The following EMSY variants were observed in gnomAD, a reference collection of about 807,000 sequenced individuals.
The protein encoded by EMSY is BRCA2-interacting transcriptional repressor EMSY.
A neutral mutation model predicts 134.6 loss-of-function variants in EMSY; 26 were observed. The ratio of observed to expected loss-of-function variants is 0.19; its 90% confidence interval spans 0.14 to 0.27. EMSY has a LOEUF of 0.27. EMSY is among the 10% of genes least tolerant of loss of function. The pLI, the probability that EMSY is intolerant of heterozygous loss-of-function variation, is 1.00. For missense variants in EMSY, 1,305 were observed against 1,611.4 expected (o/e 0.81, Z 3.26); for synonymous variants, 579 against 577.8 (o/e 1.00, Z -0.03).
At chr11:76,542,323 A>C in exon 18 of EMSY, 1 of 1,614,156 alleles carries the variant, frequency 6.2e-7, no homozygotes, top group Non-Finnish European at 8.5e-7. Flanking sequence ...GGTGAAGTCC[A>C]TCCCAGCATC....
intron 19 of EMSY, among the ~76,000 whole-genome samples, chr11:76,545,187 A>C (rs1951598092): frequency 6.6e-6 from 1 of 152,216 alleles, no homozygotes; most frequent in African/African-American, 2.4e-5. Context: ...TAATAATGCT[A>C]AGTAAACTAC....
intron 4 of EMSY, 137 bp from the exon 6 acceptor site, chr11:76,458,046 C>T (rs969618785): frequency 3.2e-6 from 2 of 617,416 alleles, no homozygotes; most frequent in Admixed American, 3.8e-5. Context: ...TTTGATCTTG[C>T]TTGCTTAAAA....
At chr11:76,542,656 A>G (rs1361815598) in intron 18 of EMSY, among the ~76,000 whole-genome samples, 1 of 152,140 alleles carries the variant, frequency 6.6e-6, no homozygotes, top group Non-Finnish European at 1.5e-5. Context: ...TTACTGTGGA[A>G]GAATGTATCA....
chr11:76,539,505 C>A, intron 16 of EMSY, 94 bp from the exon 18 acceptor site: 2 of 1,263,330 alleles, frequency 1.6e-6, no homozygotes, highest in Non-Finnish European at 2.3e-6. Context: ...GGCCAGTATT[C>A]TGGGGAACAT....
At chr11:76,458,297 T>C (rs1947959080) in exon 5 of EMSY, 2 of 1,614,006 alleles carry the variant, frequency 1.2e-6, no homozygotes, top group Non-Finnish European at 1.7e-6. Flanking sequence ...ATGCTGTTGC[T>C]AATGCAGCTA....
At chr11:76,544,819 C>T in exon 19 of EMSY, 7 of 1,613,698 alleles carry the variant, frequency 4.3e-6, no homozygotes, top group Non-Finnish European at 5.9e-6. Flanking sequence ...AGACGGCAAG[C>T]CAGGTAACGG....
At chr11:76,486,527 C>G (rs1399270893) in intron 8 of EMSY, among the ~76,000 whole-genome samples, 1 of 152,060 alleles carries the variant, frequency 6.6e-6, no homozygotes, top group Non-Finnish European at 1.5e-5. Context: ...AACATAGTAT[C>G]TAAAGACACA....
At position 76,478,340 on chromosome 11, in the gene EMSY, A is replaced by ATT. The variant is rs371584435; in HGVS notation, c.1108+5520_1108+5521dup. Among the ~76,000 whole-genome samples, 121 of 122,524 alleles carry ATT rather than the reference A, an allele frequency of 9.9e-4. 1 individual carries two copies. Among genetic ancestry groups the ATT allele is most frequent in the Middle Eastern group, 4.5e-3 (1 of 224 alleles). The allele number at this position is 122,524 out of a possible 152,430, so 80.4% of individuals were successfully genotyped here. Reference sequence around the variant, plus strand: ...TATTACCTTTTTACCCATGTGAATAATTTTTTTTTTTTTTTTTTTTTGAGA... The same window carrying ATT: ...TATTACCTTTTTACCCATGTGAATAATTTTTTTTTTTTTTTTTTTTTTTGAGA... On this transcript the variant is annotated intron_variant, in intron 8 of 20. Coordinates refer to ENST00000334736, the Ensembl canonical transcript of EMSY.
intron 8 of EMSY, among the ~76,000 whole-genome samples, chr11:76,482,871 G>C (rs147330320): frequency 0.017 from 2,590 of 152,216 alleles, 50 homozygotes; most frequent in East Asian, 0.093. Context: ...AGCAAGACAG[G>C]CCAACATTCA....
intron 6 of EMSY, 99 bp downstream of exon 7, chr11:76,460,184 T>C (rs1216694224): frequency 7.5e-7 from 1 of 1,330,068 alleles, no homozygotes; most frequent in Non-Finnish European, 1.1e-6. Context: ...ATTGGTCCAC[T>C]AGCTGTTAGT....
chr11:76,456,141 G>A (rs1947864264), intron 4 of EMSY, among the ~76,000 whole-genome samples: 1 of 152,138 alleles, frequency 6.6e-6, no homozygotes. Context: ...CCTCCAGGAA[G>A]ATGTTTAGTC....
At chr11:76,504,819 G>C (rs1027590109) in intron 9 of EMSY, among the ~76,000 whole-genome samples, 1 of 152,144 alleles carries the variant, frequency 6.6e-6, no homozygotes, top group Non-Finnish European at 1.5e-5. Context: ...ATTTTAATTA[G>C]CCATAAAAGG....
chr11:76,522,071 G>A (rs967436901), intron 11 of EMSY, among the ~76,000 whole-genome samples: 1 of 151,930 alleles, frequency 6.6e-6, no homozygotes, highest in African/African-American at 2.4e-5. Context: ...AAGAGAAGAA[G>A]ACAAGGAACA....
At chr11:76,502,917 G>T (rs192555810) in intron 9 of EMSY, among the ~76,000 whole-genome samples, 1 of 152,042 alleles carries the variant, frequency 6.6e-6, no homozygotes, top group African/African-American at 2.4e-5. Flanking sequence ...AGACTTCTTC[G>T]TAGAAATTGA....
chr11:76,447,024 T>C lies in EMSY; in HGVS notation c.70+16T>C. 6.2e-7 allele frequency: 1 copy of C among 1,613,024 alleles called. No individual in the cohort carries two copies. On this transcript the variant is annotated intron_variant, in intron 2 of 20. Coordinates refer to ENST00000334736, the Ensembl canonical transcript of EMSY. ...CGAAAATTGGGTATGACGTTCATTG[T>C]TTGTTTTTTACCTCTCTCTGATACC...
intron 17 of EMSY, among the ~76,000 whole-genome samples, chr11:76,540,383 C>T (rs538041684): frequency 6.6e-6 from 1 of 151,946 alleles, no homozygotes. Flanking sequence ...TAGTGTAAAC[C>T]TTGACTATCT....
At chr11:76,496,183 A>T in intron 8 of EMSY, 32 bp from the exon 10 acceptor site, 1 of 1,573,356 alleles carries the variant, frequency 6.4e-7, no homozygotes, top group South Asian at 1.2e-5. Flanking sequence ...CTTTCCTATC[A>T]AATTCTCTTT....
At chr11:76,550,121 C>G (rs143550777) in exon 21 of EMSY, 1 of 1,612,860 alleles carries the variant, frequency 6.2e-7, no homozygotes, top group Non-Finnish European at 8.5e-7. Flanking sequence ...CCCAGCCCTT[C>G]TCAGAGCTCT....
At chr11:76,458,559 G>T (rs984781033) in intron 5 of EMSY, 1 of 459,744 alleles carries the variant, frequency 2.2e-6, no homozygotes, top group Non-Finnish European at 3.6e-6. Flanking sequence ...TGTCGAAGGT[G>T]TGAATTATGT....
Sources: gnomAD v4.1 joint callset for allele counts (sites outside exome capture counted in the v4.1 genomes callset) on GRCh38, gnomAD v4.1.1 for gene constraint, MANE v1.5 for transcripts, NCBI Gene and HGNC (gene_info 2026-07-23, HGNC 2026-07-21) for gene names.